Variants in NTM observed in about 807,000 individuals in gnomAD.
The protein encoded by NTM is IgLON family member 2.
In NTM, 13 loss-of-function variants were observed where a neutral mutation model predicts 42.1. The ratio of observed to expected loss-of-function variants is 0.31; its 90% CI spans 0.20 to 0.49. The LOEUF (loss-of-function observed/expected upper bound fraction) is 0.49. Ranked by LOEUF, NTM falls within the 20% of genes least tolerant of loss-of-function variation. The pLI is 0.99. For missense variants in NTM, 373 were observed against 452.8 expected, an observed-to-expected ratio of 0.82 and a Z score of 1.60; for synonymous variants, 187 against 179.2, an observed-to-expected ratio of 1.04 and a Z score of -0.35.
chr11:131,427,266 T>C (rs566452626), intron 1 of NTM, among the ~76,000 whole-genome samples: 1 of 152,114 alleles, frequency 6.6e-6, no homozygotes, highest in South Asian at 2.1e-4. Context: ...CCAAATAAGG[T>C]CTGGGATAAA....
chr11:131,740,363 T>C (rs759824801), intron 1 of NTM, among the ~76,000 whole-genome samples: 24 of 152,292 alleles, frequency 1.6e-4, no homozygotes, highest in Non-Finnish European at 3.5e-4. Flanking sequence ...AAATGAATAC[T>C]CACAATGAAC....
intron 1 of NTM, among the ~76,000 whole-genome samples, chr11:131,442,344 T>C (rs1273902973): frequency 6.6e-6 from 1 of 152,196 alleles, no homozygotes; most frequent in Non-Finnish European, 1.5e-5. Context: ...TCCTCATCGA[T>C]GACAGCAATA....
At chr11:132,183,212 C>A (rs1229914196) in intron 3 of NTM, among the ~76,000 whole-genome samples, 1 of 152,142 alleles carries the variant, frequency 6.6e-6, no homozygotes, top group African/African-American at 2.4e-5. Context: ...CTGTAATAAT[C>A]AACACATTTG....
intron 1 of NTM, among the ~76,000 whole-genome samples, chr11:131,582,595 T>TAAAA (rs10674279): frequency 7.3e-5 from 11 of 149,690 alleles, no homozygotes; most frequent in African/African-American, 2.5e-4. Flanking sequence ...TGTTCTTGCT[T>TAAAA]AAAAAAAAAA....
chr11:131,904,639 C>T (rs1481388669), intron 1 of NTM, among the ~76,000 whole-genome samples: 2 of 152,190 alleles, frequency 1.3e-5, no homozygotes, highest in African/African-American at 4.8e-5. Context: ...CAATGAAGGG[C>T]TTAAAGGCTT....
chr11:131,460,395 T>C (rs911230811), intron 1 of NTM, among the ~76,000 whole-genome samples: 4 of 152,166 alleles, frequency 2.6e-5, no homozygotes, highest in South Asian at 2.1e-4. Context: ...CAAGTAAAAT[T>C]TTTAGTATTC....
At chr11:131,738,386 T>A (rs1265407372) in intron 1 of NTM, among the ~76,000 whole-genome samples, 2 of 152,224 alleles carry the variant, frequency 1.3e-5, no homozygotes, top group Non-Finnish European at 2.9e-5. Context: ...CCATGGTCTC[T>A]ACACATTTCC....
At chr11:131,844,412 G>A (rs2044666258) in intron 1 of NTM, among the ~76,000 whole-genome samples, 1 of 152,232 alleles carries the variant, frequency 6.6e-6, no homozygotes, top group South Asian at 2.1e-4. Context: ...CTGGTAGGAT[G>A]AGTCCCCCCA....
chr11:132,014,100 C>T (rs552346250), intron 2 of NTM, among the ~76,000 whole-genome samples: 43 of 152,102 alleles, frequency 2.8e-4, no homozygotes, highest in African/African-American at 1.0e-3. Context: ...TACTCTCTAC[C>T]TCCGTGAGAT....
At chr11:132,210,131 G>T (rs2082610796) in intron 3 of NTM, among the ~76,000 whole-genome samples, 3 of 152,180 alleles carry the variant, frequency 2.0e-5, no homozygotes, top group Admixed American at 2.0e-4. Flanking sequence ...AGCTTCCCTG[G>T]GCTCTCCGGC....
At chr11:131,711,610 A>T (rs565720681) in intron 1 of NTM, among the ~76,000 whole-genome samples, 1 of 152,104 alleles carries the variant, frequency 6.6e-6, no homozygotes, top group Non-Finnish European at 1.5e-5. Flanking sequence ...ATACCATTTG[A>T]CCCAGCCATC....
chr11:132,141,221 T>C (rs1392902267), intron 2 of NTM, among the ~76,000 whole-genome samples: 2 of 151,076 alleles, frequency 1.3e-5, no homozygotes, highest in East Asian at 3.9e-4. Context: ...CTCTCTCTCT[T>C]TCTCTCTCTC....
intron 1 of NTM, among the ~76,000 whole-genome samples, chr11:131,694,199 T>C (rs1427267205): frequency 6.6e-6 from 1 of 152,220 alleles, no homozygotes. Flanking sequence ...AAGCAGTTAA[T>C]GGTGCCTCGC....
chr11:132,132,875 A>G (rs1012459970), intron 2 of NTM, among the ~76,000 whole-genome samples: 4 of 152,192 alleles, frequency 2.6e-5, no homozygotes, highest in Non-Finnish European at 4.4e-5. Context: ...TCGCAGGTAA[A>G]ATATATGAAT....
At chr11:131,962,882 C>G (rs1431321832) in intron 2 of NTM, among the ~76,000 whole-genome samples, 1 of 152,182 alleles carries the variant, frequency 6.6e-6, no homozygotes, top group East Asian at 1.9e-4. Context: ...TTTATTCCTA[C>G]TTCTCACTGC....
At chr11:131,446,988 T>C (rs1415830557) in intron 1 of NTM, among the ~76,000 whole-genome samples, 3 of 152,190 alleles carry the variant, frequency 2.0e-5, no homozygotes, top group African/African-American at 7.2e-5. Flanking sequence ...AAAGGAAAGA[T>C]AGAAATGGAA....
At chr11:131,635,950 C>G (rs1167899283) in intron 1 of NTM, among the ~76,000 whole-genome samples, 2 of 152,074 alleles carry the variant, frequency 1.3e-5, no homozygotes, top group Non-Finnish European at 2.9e-5. Context: ...TATTTAGTAC[C>G]GTCACATGCT....
chr11:132,203,374 C>G (rs1253509337), intron 3 of NTM, among the ~76,000 whole-genome samples: 1 of 152,142 alleles, frequency 6.6e-6, no homozygotes, highest in Non-Finnish European at 1.5e-5. Flanking sequence ...CACAGAACAT[C>G]TATTTTGAGG....
chr11:131,846,220 T>C (rs2044886174), intron 1 of NTM, among the ~76,000 whole-genome samples: 1 of 152,214 alleles, frequency 6.6e-6, no homozygotes, highest in African/African-American at 2.4e-5. Flanking sequence ...GTTGTATCCC[T>C]ATTATTGCTT....
Sources: allele counts gnomAD v4.1 joint callset (sites outside exome capture counted in the v4.1 genomes callset), GRCh38; gene constraint gnomAD v4.1.1; transcripts MANE v1.5; gene names NCBI Gene and HGNC (gene_info 2026-07-23, HGNC 2026-07-21).